TRIM66: variants seen among roughly 807,000 people sequenced by gnomAD.
TRIM66 encodes tripartite motif-containing protein 66.
Under a neutral mutation model 148.2 loss-of-function variants are expected in TRIM66, and 99 were observed. The observed-to-expected ratio is 0.67, with a 90% CI of 0.57 to 0.79. The LOEUF (loss-of-function observed/expected upper bound fraction) is 0.79. Ranked by LOEUF, TRIM66 falls within the 30% of genes least tolerant of loss-of-function variation. The pLI, the probability that TRIM66 is intolerant of heterozygous loss-of-function variation, is 0.00. For synonymous variants in TRIM66, 616 were observed against 635.9 expected, an observed-to-expected ratio of 0.97 and a Z score of 0.47; for missense variants, 1,666 against 1,697.9, an observed-to-expected ratio of 0.98 and a Z score of 0.33.
intron 6 of TRIM66, among the ~76,000 whole-genome samples, chr11:8,670,659 C>T (rs998422488): frequency 7.2e-5 from 11 of 152,068 alleles, no homozygotes; most frequent in African/African-American, 2.4e-4. Flanking sequence ...TAATCAAAGG[C>T]CCTTTAAATG....
intron 14 of TRIM66, among the ~76,000 whole-genome samples, 196 bp from the exon 15 acceptor site, chr11:8,639,011 CTT>C (rs2036142458): frequency 6.6e-6 from 1 of 152,220 alleles, no homozygotes; most frequent in African/African-American, 2.4e-5. Context: ...ATGGGAATGT[CTT>C]AGGATGAAAC....
chr11:8,640,301 T>G lies in TRIM66; in HGVS notation c.2074A>C (p.Ile692Leu). Reference sequence around the variant, plus strand: ...ACGATGTAGTTGATCTGCCCCACAATGGTTTGCTGAAGATGCTGAGGAGAT... The same window carrying G: ...ACGATGTAGTTGATCTGCCCCACAAGGGTTTGCTGAAGATGCTGAGGAGAT... ...TKSPQHLQQT[I>L]VGQINYIVRQ... The change falls in exon 14 of 25, where the codon ATT becomes CTT. Residue 692 changes from isoleucine (I) to leucine (L), a missense_variant. By Grantham distance (5) the Ile-to-Leu change is conservative. Around this residue, in one of 3 missense-constraint regions of TRIM66, gnomAD observed 1,431 missense variants for 1,412.4 expected, o/e 1.01. Coordinates refer to ENST00000646038, the MANE Select transcript of TRIM66 (RefSeq NM_001388022.1). 6.4e-7 allele frequency: 1 copy of G among 1,551,708 alleles called. No homozygotes were observed.
intron 12 of TRIM66, 91 bp from the exon 13 acceptor site, chr11:8,643,217 CAA>C: frequency 9.1e-7 from 1 of 1,094,012 alleles, no homozygotes; most frequent in Non-Finnish European, 1.3e-6. Context: ...CTGAAAGGCT[CAA>C]AGTCATGGCC....
chr11:8,618,973 T>C lies in TRIM66; in HGVS notation c.3901-5A>G, dbSNP rs533197492. On this transcript the variant is annotated splice_polypyrimidine_tract_variant and splice_region_variant and intron_variant, in intron 23 of 24. Transcript: ENST00000646038. ...CTCTGCAACCTCGGAGTCAGGCTGA[T>C]GGGGGAGGAGAGCAGTGATGGTCTA... The C allele has an allele frequency of 1.8e-4, 281 of 1,550,882 alleles. No homozygotes were observed. Among genetic ancestry groups the C allele is most frequent in the Non-Finnish European group, 2.3e-4 (265 of 1,146,678 alleles).
At chr11:8,629,155 C>G (rs2035153637) in intron 15 of TRIM66, among the ~76,000 whole-genome samples, 1 of 152,174 alleles carries the variant, frequency 6.6e-6, no homozygotes, top group Non-Finnish European at 1.5e-5. Flanking sequence ...CTCAAACATG[C>G]CCAGGCCTGC....
intron 6 of TRIM66, among the ~76,000 whole-genome samples, chr11:8,652,445 T>C (rs1158858088): frequency 6.6e-6 from 1 of 152,176 alleles, no homozygotes; most frequent in Admixed American, 6.5e-5. Flanking sequence ...GTACAGCATA[T>C]ACCAGTCAGT....
At chr11:8,632,872 T>A (rs2035542335) in intron 15 of TRIM66, among the ~76,000 whole-genome samples, 1 of 152,202 alleles carries the variant, frequency 6.6e-6, no homozygotes, top group Non-Finnish European at 1.5e-5. Flanking sequence ...GATGTAACTA[T>A]GCAGATATAT....
chr11:8,661,355 T>C (rs1230095616), intron 6 of TRIM66, among the ~76,000 whole-genome samples: 3 of 152,202 alleles, frequency 2.0e-5, no homozygotes, highest in Admixed American at 2.0e-4. Context: ...GCCAAGAAAG[T>C]ACCCACAGTA....
chr11:8,622,899 A>G (rs1413784627), intron 17 of TRIM66, 23 bp from the exon 18 acceptor site: 12 of 1,548,168 alleles, frequency 7.8e-6, no homozygotes, highest in Non-Finnish European at 1.0e-5. Flanking sequence ...ACAAACAAAT[A>G]CCTGTGACAC....
chr11:8,621,926 C>T, intron 18 of TRIM66, 107 bp from the exon 19 acceptor site: 1 of 1,136,082 alleles, frequency 8.8e-7, no homozygotes, highest in Admixed American at 3.3e-5. Flanking sequence ...TGAGTGTCAA[C>T]TTGATTGGAT....
chr11:8,647,667 T>C (rs1341230896), intron 10 of TRIM66, among the ~76,000 whole-genome samples: 2 of 152,174 alleles, frequency 1.3e-5, no homozygotes, highest in African/African-American at 4.8e-5. Flanking sequence ...TTCCCTAGTG[T>C]CTGCTTGGTA....
Position 8,651,821 on chromosome 11 carries a change from A to G in TRIM66, c.423T>C (p.Thr141=). Residue 141 remains threonine (T), a synonymous_variant, in exon 7 of 25, where the codon ACT becomes ACC. Transcript: ENST00000646038. ...TEHFFLHCVP[T]EQPKMARNCS... is the part of the protein sequence containing the mutation. ...TTACCCTGGCCATCTTGGGTTGCTC[A>G]GTAGGAACACAATGCAGAAAAAAAT... 6.4e-7 allele frequency: 1 copy of G among 1,551,814 alleles called. No individual in the cohort carries two copies. The highest frequency in any genetic ancestry group is 8.7e-7 in the Non-Finnish European group (1 of 1,147,018).
At chr11:8,624,229 A>G in intron 17 of TRIM66, 130 bp downstream of exon 17, 1 of 1,061,806 alleles carries the variant, frequency 9.4e-7, no homozygotes, top group Non-Finnish European at 1.3e-6. Flanking sequence ...GAGAGAAGTA[A>G]ATTCAGCCTC....
intron 12 of TRIM66, chr11:8,644,235 C>T (rs2036653075): frequency 2.9e-6 from 1 of 339,414 alleles, no homozygotes; most frequent in Non-Finnish European, 5.7e-6. Context: ...AACTCCTACT[C>T]TTAGGTAATC....
intron 6 of TRIM66, among the ~76,000 whole-genome samples, chr11:8,653,875 T>C (rs2037583057): frequency 6.6e-6 from 1 of 151,378 alleles, no homozygotes; most frequent in Non-Finnish European, 1.5e-5. Flanking sequence ...ATCTGGAATG[T>C]CCTGCATATT....
At chr11:8,635,444 C>A (rs549397186) in intron 15 of TRIM66, among the ~76,000 whole-genome samples, 1 of 152,184 alleles carries the variant, frequency 6.6e-6, no homozygotes, top group Admixed American at 6.5e-5. Context: ...CTCCACCCTG[C>A]CCAACCCCAG....
At chr11:8,663,210 T>C (rs2038377091) in intron 6 of TRIM66, 1 of 152,214 alleles carries the variant, frequency 6.6e-6, no homozygotes. Flanking sequence ...CGCAGACCCA[T>C]CTTCCTAGTT....
intron 15 of TRIM66, among the ~76,000 whole-genome samples, chr11:8,625,463 T>TTGTGTGTGTGTGTGTGTGTGTGTG (rs147088164): frequency 7.7e-4 from 114 of 148,246 alleles, no homozygotes; most frequent in East Asian, 4.6e-3. Flanking sequence ...CGGAGAACTA[T>TTGTGTGTGTGTGTGTGTGTGTGTG]TGTGTGTGTG....
At chr11:8,632,593 G>A (rs1281027851) in intron 15 of TRIM66, among the ~76,000 whole-genome samples, 1 of 151,684 alleles carries the variant, frequency 6.6e-6, no homozygotes, top group Non-Finnish European at 1.5e-5. Flanking sequence ...AAGTAGCTGG[G>A]ATTATAGGTG....
Sources: allele counts gnomAD v4.1 joint callset (sites outside exome capture counted in the v4.1 genomes callset), GRCh38; gene constraint gnomAD v4.1.1; regional missense constraint gnomAD v4.1.1; transcripts MANE v1.5; gene names NCBI Gene and HGNC (gene_info 2026-07-23, HGNC 2026-07-21).